SPOCK3: variants seen among roughly 807,000 people sequenced by gnomAD.
The protein encoded by SPOCK3 is testican-3.
Under a neutral mutation model 56.6 loss-of-function variants are expected in SPOCK3, and 30 were observed. That is an observed-to-expected ratio of 0.53 (90% CI 0.40 to 0.72). The LOEUF (loss-of-function observed/expected upper bound fraction) is 0.72. SPOCK3 is among the 30% of genes least tolerant of loss of function. The pLI, the probability that SPOCK3 is intolerant of heterozygous loss-of-function variation, is 0.00. For synonymous variants in SPOCK3, 196 were observed against 183.3 expected (o/e 1.07, Z -0.56); for missense variants, 527 against 530.0 (o/e 0.99, Z 0.06).
chr4:166,987,464 G>C (rs1201419463), intron 4 of SPOCK3, among the ~76,000 whole-genome samples: 1 of 152,016 alleles, frequency 6.6e-6, no homozygotes, highest in African/African-American at 2.4e-5. Flanking sequence ...TTTCTTTACT[G>C]TCTGTCTTCC....
At chr4:166,870,713 T>A (rs1732372546) in intron 6 of SPOCK3, among the ~76,000 whole-genome samples, 1 of 152,150 alleles carries the variant, frequency 6.6e-6, no homozygotes, top group South Asian at 2.1e-4. Flanking sequence ...GAGGGAAATT[T>A]ATTGCATTGA....
intron 3 of SPOCK3, among the ~76,000 whole-genome samples, chr4:167,056,154 G>A (rs982472009): frequency 4.6e-5 from 7 of 152,150 alleles, no homozygotes; most frequent in Admixed American, 2.0e-4. Flanking sequence ...ACAAAAATCC[G>A]CTGTTCTGCA....
At chr4:166,886,981 ATTAGT>A (rs1734264760) in intron 6 of SPOCK3, among the ~76,000 whole-genome samples, 1 of 152,156 alleles carries the variant, frequency 6.6e-6, no homozygotes, top group South Asian at 2.1e-4. Context: ...TCAGAGGAGG[ATTAGT>A]TTAAATTCTT....
At chr4:166,855,197 C>T (rs1430824362) in intron 6 of SPOCK3, among the ~76,000 whole-genome samples, 6 of 152,114 alleles carry the variant, frequency 3.9e-5, no homozygotes, top group Non-Finnish European at 7.3e-5. Flanking sequence ...CCCCTGACCC[C>T]CCAACAATCA....
intron 3 of SPOCK3, among the ~76,000 whole-genome samples, chr4:167,022,641 C>T (rs1751302904): frequency 6.6e-6 from 1 of 151,952 alleles, no homozygotes; most frequent in African/African-American, 2.4e-5. Flanking sequence ...AATTCCATTG[C>T]ATTATGAACC....
intron 2 of SPOCK3, among the ~76,000 whole-genome samples, chr4:167,164,743 A>G (rs1765612711): frequency 6.6e-6 from 1 of 151,898 alleles, no homozygotes; most frequent in South Asian, 2.1e-4. Flanking sequence ...CTTCCAGTAC[A>G]TCCATGTTCT....
intron 2 of SPOCK3, among the ~76,000 whole-genome samples, chr4:167,210,114 A>C (rs1429245185): frequency 6.6e-6 from 1 of 152,212 alleles, no homozygotes; most frequent in African/African-American, 2.4e-5. Context: ...AACAATTTTC[A>C]GTCTCCTCTG....
At chr4:166,799,773 A>G (rs1742342523) in intron 6 of SPOCK3, among the ~76,000 whole-genome samples, 2 of 152,114 alleles carry the variant, frequency 1.3e-5, no homozygotes, top group Admixed American at 1.3e-4. Flanking sequence ...ACACATAGCT[A>G]AAGAGGCAAA....
In SPOCK3 at chr4:167,000,464, C is replaced by T. The variant is rs1398288759; in HGVS notation, c.236-1G>A. 1 of 1,505,698 alleles carries T rather than the reference C, an allele frequency of 6.6e-7. No homozygotes were observed. The highest frequency in any genetic ancestry group is 1.2e-5 in the South Asian group (1 of 83,574). 93.3% of individuals were successfully genotyped at this position (1,505,698 alleles called of 1,614,324 possible). On this transcript the variant is annotated splice_acceptor_variant, in intron 3 of 10. Coordinates refer to ENST00000357545, the MANE Select transcript of SPOCK3 (RefSeq NM_001040159.2). LOFTEE classifies it high-confidence loss of function. Reference sequence around the variant, plus strand: ...CATGGATCCTTAGCTGGATCTAAAGCTAAAAAAATTGCAAAGAAAATATTA... The same window carrying T: ...CATGGATCCTTAGCTGGATCTAAAGTTAAAAAAATTGCAAAGAAAATATTA...
chr4:166,812,381 T>A (rs946316578), intron 6 of SPOCK3, among the ~76,000 whole-genome samples: 1 of 151,886 alleles, frequency 6.6e-6, no homozygotes, highest in African/African-American at 2.4e-5. Flanking sequence ...AAAGTTAACA[T>A]AAGAATTAAA....
At chr4:166,850,438 C>T (rs1280385869) in intron 6 of SPOCK3, among the ~76,000 whole-genome samples, 2 of 152,162 alleles carry the variant, frequency 1.3e-5, no homozygotes, top group Non-Finnish European at 2.9e-5. Flanking sequence ...GAATGTGATG[C>T]TAAGAAATTT....
intron 9 of SPOCK3, among the ~76,000 whole-genome samples, chr4:166,739,557 A>G (rs1473001831): frequency 6.6e-6 from 1 of 152,104 alleles, no homozygotes; most frequent in Non-Finnish European, 1.5e-5. Flanking sequence ...TTCTTTTTAT[A>G]TCTATAAAAT....
chr4:166,841,039 A>G (rs761389943), intron 6 of SPOCK3, among the ~76,000 whole-genome samples: 23 of 151,964 alleles, frequency 1.5e-4, no homozygotes, highest in Non-Finnish European at 2.9e-4. Flanking sequence ...CAGCCTCCCA[A>G]AGAGCTAGGA....
At chr4:166,949,894 T>A (rs922169476) in intron 4 of SPOCK3, among the ~76,000 whole-genome samples, 11 of 151,340 alleles carry the variant, frequency 7.3e-5, no homozygotes, top group Admixed American at 7.2e-4. Flanking sequence ...CTGAGCAATT[T>A]TGTCACCACC....
intron 6 of SPOCK3, among the ~76,000 whole-genome samples, chr4:166,874,130 G>GCTC (rs767179284): frequency 1.8e-4 from 28 of 152,022 alleles, no homozygotes; most frequent in Non-Finnish European, 3.5e-4. Context: ...CTTTCTCTGG[G>GCTC]GTAGAGGTTG....
At position 166,754,051 on chromosome 4, in the gene SPOCK3, C is replaced by T. The variant is rs2126489176; in HGVS notation, c.931+457G>A. Reference sequence around the variant, plus strand: ...GAAAGACTAAATCATTTTAAAATCACATGAGTAAAAATAACTTTATGGTGA... The same window carrying T: ...GAAAGACTAAATCATTTTAAAATCATATGAGTAAAAATAACTTTATGGTGA... On this transcript the variant is annotated intron_variant, in intron 8 of 10. Transcript: ENST00000357545. 6.5e-6 allele frequency: 6 copies of T among 925,034 alleles called. No homozygotes were observed. In the South Asian group the frequency reaches 2.5e-4, roughly 39 times the overall value. 57.3% of individuals were successfully genotyped at this position (925,034 alleles called of 1,614,324 possible). A position where few individuals can be genotyped will look rare whatever the true frequency, so the allele number is the denominator to read the frequency against.
At chr4:166,739,632 T>G (rs1229183588) in intron 9 of SPOCK3, among the ~76,000 whole-genome samples, 1 of 152,128 alleles carries the variant, frequency 6.6e-6, no homozygotes, top group Non-Finnish European at 1.5e-5. Context: ...AGTGAAGTCG[T>G]GTTTTTTAAT....
Position 166,746,937 on chromosome 4 carries a change from G to C in SPOCK3, c.932-4878C>G, listed in dbSNP as rs530721356. ...CACCCTCCCAAGACTAAACCAGGAA[G>C]AAGTTGAATCCCTGAATAGACCAAT... On this transcript the variant is annotated intron_variant, in intron 8 of 10. Coordinates refer to ENST00000357545, the MANE Select transcript of SPOCK3 (RefSeq NM_001040159.2). Among the ~76,000 whole-genome samples the C allele has an allele frequency of 2.0e-5, 3 of 152,212 alleles. No homozygotes were observed. In the South Asian group the frequency reaches 6.2e-4, roughly 32 times the overall value.
intron 2 of SPOCK3, among the ~76,000 whole-genome samples, chr4:167,094,910 A>C (rs1026434729): frequency 6.6e-6 from 1 of 152,146 alleles, no homozygotes; most frequent in African/African-American, 2.4e-5. Flanking sequence ...TTAGAAGTTC[A>C]GACCCAGAAG....
Sources: gnomAD v4.1 joint callset for allele counts (sites outside exome capture counted in the v4.1 genomes callset) on GRCh38, gnomAD v4.1.1 for gene constraint, MANE v1.5 for transcripts, NCBI Gene and HGNC (gene_info 2026-07-23, HGNC 2026-07-21) for gene names.